The following FARP1 variants were observed in gnomAD, a reference collection of about 807,000 sequenced individuals.
FARP1 encodes FERM, ARHGEF and pleckstrin domain-containing protein 1.
In FARP1, 52 loss-of-function variants were observed where a neutral mutation model predicts 128.8. The observed-to-expected ratio is 0.40, with a 90% CI of 0.32 to 0.51. FARP1 has a LOEUF of 0.51. FARP1 is among the 20% of genes least tolerant of loss of function. The pLI, the probability that FARP1 is intolerant of heterozygous loss-of-function variation, is 0.45. For missense variants in FARP1, 1,333 were observed against 1,367.9 expected, an observed-to-expected ratio of 0.97 and a Z score of 0.40; for synonymous variants, 580 against 551.8, an observed-to-expected ratio of 1.05 and a Z score of -0.72.
intron 13 of FARP1, 104 bp downstream of exon 13, chr13:98,395,580 A>T (rs568365746): frequency 7.3e-7 from 1 of 1,365,688 alleles, no homozygotes; most frequent in Non-Finnish European, 9.9e-7. Flanking sequence ...AAGCGTCCCG[A>T]TCCCGGTCCC....
intron 2 of FARP1, among the ~76,000 whole-genome samples, chr13:98,241,579 A>G (rs1882775286): frequency 6.6e-6 from 1 of 152,180 alleles, no homozygotes; most frequent in Non-Finnish European, 1.5e-5. Context: ...CAGGAGCTCA[A>G]GACCAGCCTG....
chr13:98,425,063 C>T (rs781280526), intron 17 of FARP1, among the ~76,000 whole-genome samples: 6 of 152,104 alleles, frequency 3.9e-5, no homozygotes, highest in Non-Finnish European at 8.8e-5. Flanking sequence ...CCTTCTCCAA[C>T]CTTTCTAGAT....
intron 2 of FARP1, among the ~76,000 whole-genome samples, chr13:98,252,618 A>G (rs970770768): frequency 6.6e-5 from 10 of 152,200 alleles, no homozygotes; most frequent in African/African-American, 2.4e-4. Flanking sequence ...CTGCTGTAGA[A>G]TGTGCCCTCC....
intron 19 of FARP1, chr13:98,437,689 G>A (rs1594537624): frequency 4.0e-6 from 3 of 756,054 alleles, no homozygotes; most frequent in East Asian, 2.5e-5. Flanking sequence ...CAGGAGGGCT[G>A]TGTCCTGGAC....
chr13:98,256,956 T>TATATATA (rs1566801080), intron 2 of FARP1, among the ~76,000 whole-genome samples: 20 of 74,952 alleles, frequency 2.7e-4, no homozygotes, highest in East Asian at 3.4e-4. Flanking sequence ...TGGATATATA[T>TATATATA]ATATATATAT....
chr13:98,179,822 A>T (rs905863927), intron 1 of FARP1, among the ~76,000 whole-genome samples: 8 of 152,128 alleles, frequency 5.3e-5, no homozygotes, highest in African/African-American at 1.9e-4. Context: ...AAGCCACTGC[A>T]CTCCAGCCTG....
rs71111939 is a variant in FARP1, at chr13:98,287,208, C to CTTTTTTTTTTT, written c.172-56524_172-56514dup. Among the ~76,000 whole-genome samples, 107 of 75,834 alleles carry CTTTTTTTTTTT rather than the reference C, an allele frequency of 1.4e-3. 9 individuals carry two copies. The highest frequency in any genetic ancestry group is 2.1e-3 in the Non-Finnish European group (90 of 42,104). The allele number at this position is 75,834 out of a possible 152,430, so 49.8% of individuals were successfully genotyped here. A position where few individuals can be genotyped will look rare whatever the true frequency, so the allele number is the denominator to read the frequency against. ...TTTCCAAATTAACCATCAGACATGTCTTTTTTTTTTTTTTTTTTTTTTTTT... is the reference window on the plus strand; with the variant it reads ...TTTCCAAATTAACCATCAGACATGTCTTTTTTTTTTTTTTTTTTTTTTTTTTTTTTTTTTTT... On this transcript the variant is annotated intron_variant, in intron 2 of 26. Transcript: ENST00000319562.
chr13:98,347,447 A>G (rs1054867680), intron 3 of FARP1, among the ~76,000 whole-genome samples: 1 of 152,088 alleles, frequency 6.6e-6, no homozygotes, highest in African/African-American at 2.4e-5. Context: ...ACTTTCTGTT[A>G]CTGAGTCTAT....
At chr13:98,315,504 T>C (rs1886681951) in intron 2 of FARP1, among the ~76,000 whole-genome samples, 1 of 152,226 alleles carries the variant, frequency 6.6e-6, no homozygotes, top group Non-Finnish European at 1.5e-5. Flanking sequence ...CTCAAGTTAC[T>C]TGTGCCCGTT....
chr13:98,309,459 G>A (rs1438226845), intron 2 of FARP1, among the ~76,000 whole-genome samples: 114 of 151,696 alleles, frequency 7.5e-4, no homozygotes, highest in Non-Finnish European at 7.1e-4. Context: ...GTGAGCCACC[G>A]CGCCCGGCCA....
intron 5 of FARP1, among the ~76,000 whole-genome samples, chr13:98,371,008 A>G (rs611004): frequency 0.53 from 81,124 of 151,872 alleles, 22,547 homozygotes; most frequent in Non-Finnish European, 0.6. Flanking sequence ...TTGGTTTCTC[A>G]GGCTGGTTTT....
chr13:98,417,486 A>AAAAAAAAAC (rs1891431416), intron 16 of FARP1, among the ~76,000 whole-genome samples: 1 of 137,508 alleles, frequency 7.3e-6, no homozygotes, highest in African/African-American at 2.7e-5. Context: ...AAAAAAAAAG[A>AAAAAAAAAC]ACACATGGGG....
intron 2 of FARP1, among the ~76,000 whole-genome samples, chr13:98,231,141 G>A (rs1329776852): frequency 6.6e-6 from 1 of 152,138 alleles, no homozygotes; most frequent in Admixed American, 6.5e-5. Flanking sequence ...TTTGGGTGGG[G>A]ACACAGCCAA....
intron 2 of FARP1, among the ~76,000 whole-genome samples, chr13:98,226,120 A>G (rs1390576471): frequency 6.6e-6 from 1 of 152,202 alleles, no homozygotes; most frequent in East Asian, 1.9e-4. Flanking sequence ...GGCTTGAAGA[A>G]TCTCAGTGTA....
Position 98,388,641 on chromosome 13 carries a change from C to T in FARP1, c.855+163C>T, listed in dbSNP as rs550841376. On this transcript the variant is annotated intron_variant, in intron 9 of 26. Transcript: ENST00000319562. ...CCGAGCGTCTCTAGGACAGATGTATCCAAATGGTCGGTAACTCTACGGCTG... is the reference window on the plus strand; with the variant it reads ...CCGAGCGTCTCTAGGACAGATGTATTCAAATGGTCGGTAACTCTACGGCTG... 1.6e-4 allele frequency among the ~76,000 whole-genome samples: 24 copies of T among 152,312 alleles called. No individual in the cohort carries two copies. The South Asian group carries it at 4.8e-3, about 30-fold the overall frequency.
chr13:98,418,991 G>A (rs1414046670), intron 16 of FARP1, among the ~76,000 whole-genome samples: 1 of 152,176 alleles, frequency 6.6e-6, no homozygotes, highest in East Asian at 1.9e-4. Context: ...CTTGAGGGTG[G>A]CTGAGAATGG....
intron 3 of FARP1, among the ~76,000 whole-genome samples, chr13:98,357,002 A>G (rs1315535077): frequency 2.6e-5 from 4 of 152,160 alleles, no homozygotes; most frequent in East Asian, 3.8e-4. Flanking sequence ...CAACACTAAT[A>G]TAGCCACTTC....
intron 2 of FARP1, among the ~76,000 whole-genome samples, chr13:98,339,107 C>T (rs1039896638): frequency 6.6e-6 from 1 of 152,056 alleles, no homozygotes; most frequent in Non-Finnish European, 1.5e-5. Context: ...ATGCACAGTC[C>T]ACGTAGCACA....
intron 2 of FARP1, among the ~76,000 whole-genome samples, chr13:98,215,734 C>T (rs1398675487): frequency 1.3e-5 from 2 of 151,992 alleles, no homozygotes; most frequent in African/African-American, 2.4e-5. Flanking sequence ...GTTTATTTTA[C>T]AAGTAGAATT....
Sources: gnomAD v4.1 joint callset for allele counts (sites outside exome capture counted in the v4.1 genomes callset) on GRCh38, gnomAD v4.1.1 for gene constraint, MANE v1.5 for transcripts, NCBI Gene and HGNC (gene_info 2026-07-23, HGNC 2026-07-21) for gene names.